FAM161A: variants seen among roughly 807,000 people sequenced by gnomAD.
FAM161A encodes the protein FAM161 centrosomal protein A.
FAM161A carries 57 observed loss-of-function variants against 70.9 expected under a neutral mutation model. The ratio of observed to expected loss-of-function variants is 0.80; its 90% CI spans 0.65 to 1.00. The LOEUF (loss-of-function observed/expected upper bound fraction) is 1.00, where lower values mean the gene tolerates loss of function less well. FAM161A is among the 50% of genes least tolerant of loss of function. FAM161A has a pLI of 0.00. For synonymous variants in FAM161A, 299 were observed against 295.7 expected, an observed-to-expected ratio of 1.01 and a Z score of -0.12; for missense variants, 880 against 836.0, an observed-to-expected ratio of 1.05 and a Z score of -0.65.
the FAM161A span, among the ~76,000 whole-genome samples, chr2:61,804,255 G>A: frequency 2.6e-5 from 4 of 152,150 alleles, no homozygotes; most frequent in African/African-American, 7.2e-5. Context: ...CTTCTTTACT[G>A]CAACCTGTTT....
chr2:61,807,217 C>T, the FAM161A span, among the ~76,000 whole-genome samples: 2 of 151,502 alleles, frequency 1.3e-5, no homozygotes, highest in South Asian at 4.2e-4. Context: ...TAACAAAAGC[C>T]CAGACAACGG....
At chr2:61,814,751 C>T in the FAM161A span, among the ~76,000 whole-genome samples, 4 of 152,196 alleles carry the variant, frequency 2.6e-5, no homozygotes, top group African/African-American at 7.2e-5. Flanking sequence ...TGATCAGGAC[C>T]CCCTTCATGA....
In FAM161A at chr2:61,825,134, A is replaced by G. The variant is rs1208654366; in HGVS notation, c.*1321T>C. On this transcript the variant is annotated 3_prime_UTR_variant, in exon 7 of 7. Coordinates refer to ENST00000404929, the MANE Select transcript of FAM161A (RefSeq NM_001201543.2). ...ACCTGTATTAGTTCATCCTTTTAAA[A>G]TGATGCTGATTGTTTTTAGAAAAGA... 4.5e-6 allele frequency: 2 copies of G among 444,434 alleles called. No homozygotes were observed. Among genetic ancestry groups the G allele is most frequent in the Admixed American group, 4.9e-5 (2 of 40,772 alleles). The allele number at this position is 444,434 out of a possible 1,614,324, so 27.5% of individuals were successfully genotyped here. A position where few individuals can be genotyped will look rare whatever the true frequency, so the allele number is the denominator to read the frequency against.
chr2:61,845,159 A>G (rs1230800159), intron 1 of FAM161A, among the ~76,000 whole-genome samples: 2 of 152,134 alleles, frequency 1.3e-5, no homozygotes, highest in African/African-American at 2.4e-5. Flanking sequence ...GCAACAAGAC[A>G]TGAGAGGACC....
chr2:61,801,855 C>T, the FAM161A span, among the ~76,000 whole-genome samples: 1 of 152,032 alleles, frequency 6.6e-6, no homozygotes, highest in African/African-American at 2.4e-5. Flanking sequence ...GCCACCGTGC[C>T]CGGCTTGAAT....
At position 61,827,111 on chromosome 2, in the gene FAM161A, T is replaced by G; in HGVS notation, c.1999A>C (p.Lys667Gln). 1 of 1,613,784 alleles carries G rather than the reference T, an allele frequency of 6.2e-7. No homozygotes were observed. Among genetic ancestry groups the G allele is most frequent in the Non-Finnish European group, 8.5e-7 (1 of 1,179,970 alleles). ...NQETKSVTED[K>Q]ESFNEEEKIE... ...ACATCTTATATATGTTACCTTTCTT[T>G]GTCTTCAGTGACACTTTTCGTCTCT... is the stretch of plus-strand genomic sequence containing the variant. Residue 667 changes from lysine to glutamine, a missense_variant, in exon 6 of 7, where the codon AAA (lysine) becomes CAA (glutamine). Physicochemically the swap from Lys to Gln is moderately conservative, Grantham distance 53. Coordinates refer to ENST00000404929, the MANE Select transcript of FAM161A (RefSeq NM_001201543.2).
intron 4 of FAM161A, 24 bp downstream of exon 4, chr2:61,838,514 A>T (rs762103401): frequency 2.5e-6 from 4 of 1,588,076 alleles, no homozygotes; most frequent in Non-Finnish European, 3.4e-6. Context: ...AGTGGTCTGG[A>T]GATTCAAGAT....
chr2:61,810,619 C>A, the FAM161A span, among the ~76,000 whole-genome samples: 1 of 151,624 alleles, frequency 6.6e-6, no homozygotes, highest in Non-Finnish European at 1.5e-5. Context: ...TCACCACACC[C>A]GGCTAATTTT....
chr2:61,819,617 A>AT, the FAM161A span, among the ~76,000 whole-genome samples: 3,065 of 152,128 alleles, frequency 0.02, 98 homozygotes, highest in African/African-American at 0.07. Context: ...ATTAGTGAAC[A>AT]TTTTTTTTAA....
chr2:61,852,936 ATC>A (rs374293933), intron 1 of FAM161A, among the ~76,000 whole-genome samples: 11 of 119,712 alleles, frequency 9.2e-5, no homozygotes, highest in African/African-American at 3.4e-4. Context: ...CAAGATTCCC[ATC>A]TTTTTTTTTT....
chr2:61,835,468 T>A (rs1672736175), intron 5 of FAM161A: 1 of 148,528 alleles, frequency 6.7e-6, no homozygotes, highest in African/African-American at 2.5e-5. Context: ...CAGACTCACT[T>A]AAAAAAAAAA....
chr2:61,827,286 G>A lies in FAM161A; in HGVS notation c.1852-28C>T, dbSNP rs576122354. 199 of 1,607,814 alleles carry A rather than the reference G, an allele frequency of 1.2e-4. 1 individual carries two copies. In the Middle Eastern group the frequency reaches 1.3e-3, roughly 11 times the overall value. On this transcript the variant is annotated intron_variant, in intron 5 of 6. Coordinates refer to ENST00000404929, the MANE Select transcript of FAM161A (RefSeq NM_001201543.2). Reference sequence around the variant, plus strand: ...ATAGGAAAGACAAACCTTTTTAGACGAGAACAGAAGACTTTAAATTTTCAT... The same window carrying A: ...ATAGGAAAGACAAACCTTTTTAGACAAGAACAGAAGACTTTAAATTTTCAT...
chr2:61,827,368 T>C, intron 5 of FAM161A, 110 bp from the exon 6 acceptor site: 1 of 1,048,078 alleles, frequency 9.5e-7, no homozygotes, highest in Admixed American at 1.8e-5. Flanking sequence ...CCCAGTGCTT[T>C]GGGAGGCCGA....
the FAM161A span, among the ~76,000 whole-genome samples, chr2:61,815,795 C>T: frequency 3.2e-4 from 49 of 152,012 alleles, 1 homozygote; most frequent in Admixed American, 1.8e-3. Context: ...AAGTGATCCC[C>T]GCACCTCAGC....
At chr2:61,822,751 T>A (rs963222263), downstream of FAM161A, among the ~76,000 whole-genome samples, 4 of 151,948 alleles carry the variant, frequency 2.6e-5, no homozygotes, top group Non-Finnish European at 5.9e-5. Flanking sequence ...CACACTTGGC[T>A]AATTCTTTTT....
intron 4 of FAM161A, chr2:61,836,612 T>C (rs902308631): frequency 6.4e-6 from 1 of 156,158 alleles, no homozygotes; most frequent in Non-Finnish European, 1.4e-5. Context: ...CTCATTCTGT[T>C]GCTCAGGCTG....
the FAM161A span, among the ~76,000 whole-genome samples, chr2:61,806,160 G>A: frequency 6.6e-6 from 1 of 152,116 alleles, no homozygotes; most frequent in Non-Finnish European, 1.5e-5. Flanking sequence ...GGAGGATGCA[G>A]TGAGCCGAGA....
At chr2:61,853,075 C>T (rs1185826700) in intron 1 of FAM161A, among the ~76,000 whole-genome samples, 2 of 151,790 alleles carry the variant, frequency 1.3e-5, no homozygotes, top group East Asian at 3.9e-4. Flanking sequence ...CCACGCCCGG[C>T]TAAATTTTGT....
chr2:61,834,570 C>A (rs1475264767), intron 5 of FAM161A, among the ~76,000 whole-genome samples: 2 of 151,848 alleles, frequency 1.3e-5, no homozygotes, highest in Non-Finnish European at 2.9e-5. Flanking sequence ...TCAAGCAATT[C>A]TCCTGCCTCA....
Sources: gnomAD v4.1 joint callset for allele counts (sites outside exome capture counted in the v4.1 genomes callset) on GRCh38, gnomAD v4.1.1 for gene constraint, MANE v1.5 for transcripts, NCBI Gene and HGNC (gene_info 2026-07-23, HGNC 2026-07-21) for gene names.